Variants in DOCK3 observed in about 807,000 individuals in gnomAD.
DOCK3 encodes the protein dedicator of cytokinesis protein 3.
In DOCK3, 60 loss-of-function variants were observed where a neutral mutation model predicts 265.6. The observed-to-expected ratio is 0.23, with a 90% CI of 0.18 to 0.28. The LOEUF (loss-of-function observed/expected upper bound fraction) is 0.28, where lower values mean the gene tolerates loss of function less well. Among genes scored for constraint, DOCK3 ranks in the 10% least tolerant of loss-of-function variants. The pLI, the probability that DOCK3 is intolerant of heterozygous loss-of-function variation, is 1.00. For synonymous variants in DOCK3, 881 were observed against 938.0 expected (o/e 0.94, Z 1.11); for missense variants, 1,981 against 2,594.3 (o/e 0.76, Z 5.14).
chr3:51,113,085 A>G (rs901445618), intron 9 of DOCK3, among the ~76,000 whole-genome samples: 1 of 152,300 alleles, frequency 6.6e-6, no homozygotes. Flanking sequence ...CATATATAAG[A>G]TATTGTTCCA....
chr3:50,826,102 C>CTT (rs983057669), intron 2 of DOCK3, among the ~76,000 whole-genome samples: 3 of 152,008 alleles, frequency 2.0e-5, no homozygotes, highest in Non-Finnish European at 2.9e-5. Context: ...TAGCATATTT[C>CTT]TGCAGTAGTC....
At chr3:51,357,192 C>T (rs753979281) in intron 44 of DOCK3, 51 bp downstream of exon 44, 64 of 1,570,318 alleles carry the variant, frequency 4.1e-5, no homozygotes, top group Middle Eastern at 2.3e-4. Context: ...GCCAGGAAGG[C>T]GGCTCACAGG....
intron 24 of DOCK3, among the ~76,000 whole-genome samples, chr3:51,272,504 G>A (rs1433859239): frequency 6.7e-6 from 1 of 149,310 alleles, no homozygotes; most frequent in African/African-American, 2.5e-5. Context: ...GGCCAGGCTG[G>A]TCTCGAATTC....
chr3:51,178,458 G>A (rs377283421), intron 12 of DOCK3, among the ~76,000 whole-genome samples: 25 of 152,246 alleles, frequency 1.6e-4, no homozygotes, highest in East Asian at 1.4e-3. Context: ...TAAATTCAGC[G>A]TTCACACCCC....
At chr3:51,049,106 C>A (rs550729665) in intron 5 of DOCK3, among the ~76,000 whole-genome samples, 1 of 152,100 alleles carries the variant, frequency 6.6e-6, no homozygotes, top group Non-Finnish European at 1.5e-5. Flanking sequence ...CAGGCAGATT[C>A]CTTGACCTCA....
At chr3:50,887,860 T>A (rs1444933178) in intron 3 of DOCK3, among the ~76,000 whole-genome samples, 1 of 151,502 alleles carries the variant, frequency 6.6e-6, no homozygotes, top group Non-Finnish European at 1.5e-5. Flanking sequence ...ATTGAACGTA[T>A]CTCAAAATAA....
chr3:50,715,494 T>A (rs1440742100), intron 1 of DOCK3, among the ~76,000 whole-genome samples: 1 of 151,870 alleles, frequency 6.6e-6, no homozygotes, highest in African/African-American at 2.4e-5. Flanking sequence ...GAGGCTGCAG[T>A]GAGCCATGAT....
intron 1 of DOCK3, among the ~76,000 whole-genome samples, chr3:50,691,856 T>C (rs2035266096): frequency 6.6e-6 from 1 of 152,174 alleles, no homozygotes; most frequent in Non-Finnish European, 1.5e-5. Context: ...CATTTGTATG[T>C]CTTTTTTGGA....
chr3:51,301,757 A>T (rs1194286027), intron 27 of DOCK3, among the ~76,000 whole-genome samples: 1 of 152,108 alleles, frequency 6.6e-6, no homozygotes, highest in African/African-American at 2.4e-5. Flanking sequence ...TGAGTTTCTT[A>T]ATCTTGAGTT....
At chr3:50,796,129 C>A (rs1219679828) in intron 2 of DOCK3, among the ~76,000 whole-genome samples, 1 of 151,932 alleles carries the variant, frequency 6.6e-6, no homozygotes, top group Non-Finnish European at 1.5e-5. Flanking sequence ...CAAGCTCCGC[C>A]TCCTGGGTTC....
At chr3:50,759,381 T>C (rs990346649) in intron 1 of DOCK3, among the ~76,000 whole-genome samples, 1 of 152,150 alleles carries the variant, frequency 6.6e-6, no homozygotes, top group African/African-American at 2.4e-5. Flanking sequence ...TTCTTTTTTA[T>C]TTTTTCGTAA....
intron 49 of DOCK3, among the ~76,000 whole-genome samples, chr3:51,363,619 A>C (rs1206771359): frequency 6.6e-6 from 1 of 152,214 alleles, no homozygotes; most frequent in Non-Finnish European, 1.5e-5. Flanking sequence ...TATATCTCCT[A>C]ATGCTATCCC....
At chr3:51,127,128 G>GGT (rs1171438215) in intron 9 of DOCK3, among the ~76,000 whole-genome samples, 1 of 152,116 alleles carries the variant, frequency 6.6e-6, no homozygotes, top group Admixed American at 6.5e-5. Context: ...ATGTAGGCTG[G>GGT]GTGGCTAGGC....
intron 27 of DOCK3, among the ~76,000 whole-genome samples, chr3:51,298,816 T>C (rs1181949030): frequency 6.6e-6 from 1 of 152,230 alleles, no homozygotes; most frequent in African/African-American, 2.4e-5. Flanking sequence ...GTATTGTTGA[T>C]AGGCATTTAT....
chr3:51,287,264 T>C (rs1357129770), intron 27 of DOCK3, among the ~76,000 whole-genome samples: 1 of 152,164 alleles, frequency 6.6e-6, no homozygotes, highest in Non-Finnish European at 1.5e-5. Context: ...AGATACTATC[T>C]GAGACCACTC....
chr3:51,319,732 G>T (rs1376088604), intron 32 of DOCK3, among the ~76,000 whole-genome samples: 1 of 152,004 alleles, frequency 6.6e-6, no homozygotes, highest in African/African-American at 2.4e-5. Flanking sequence ...GGGCGTGGTG[G>T]TGTGTGCCTG....
rs537820994 is a variant in DOCK3, at chr3:51,103,565, A to G, written c.746+13181A>G. Reference sequence around the variant, plus strand: ...CTCCCAAGATACTTAAGCCATGTGCAATAGTCTCATAGAAGGTTCAAAACA... The same window carrying G: ...CTCCCAAGATACTTAAGCCATGTGCGATAGTCTCATAGAAGGTTCAAAACA... On this transcript the variant is annotated intron_variant, in intron 9 of 52. Coordinates refer to ENST00000266037, the MANE Select transcript of DOCK3 (RefSeq NM_004947.5). 3.9e-5 allele frequency among the ~76,000 whole-genome samples: 6 copies of G among 152,378 alleles called. No individual in the cohort carries two copies. The South Asian group carries it at 1.2e-3, about 32-fold the overall frequency.
chr3:51,063,529 A>G (rs146721410), intron 5 of DOCK3, among the ~76,000 whole-genome samples: 26 of 152,330 alleles, frequency 1.7e-4, no homozygotes, highest in African/African-American at 5.5e-4. Context: ...TTTGGCAAAC[A>G]TCTTTTTTAG....
At chr3:51,010,345 G>T (rs573558091) in intron 5 of DOCK3, among the ~76,000 whole-genome samples, 1 of 152,158 alleles carries the variant, frequency 6.6e-6, no homozygotes, top group East Asian at 1.9e-4. Context: ...GCTCTTCTTG[G>T]TGAATTGATC....
Sources: allele counts gnomAD v4.1 joint callset (sites outside exome capture counted in the v4.1 genomes callset), GRCh38; gene constraint gnomAD v4.1.1; transcripts MANE v1.5; gene names NCBI Gene and HGNC (gene_info 2026-07-23, HGNC 2026-07-21).